Variants in MAF observed in about 807,000 individuals in gnomAD.
MAF encodes the protein transcription factor Maf.
A neutral mutation model predicts 22.0 loss-of-function variants in MAF; 10 were observed. That is an observed-to-expected ratio of 0.45 (90% CI 0.28 to 0.77). MAF has a LOEUF of 0.77. Among genes scored for constraint, MAF ranks in the 30% least tolerant of loss-of-function variants. MAF has a pLI of 0.12. For synonymous variants in MAF, 337 were observed against 255.8 expected, an observed-to-expected ratio of 1.32 and a Z score of -3.03; for missense variants, 544 against 548.4, an observed-to-expected ratio of 0.99 and a Z score of 0.08.
chr16:79,354,753 G>C, the MAF span, among the ~76,000 whole-genome samples: 3 of 152,184 alleles, frequency 2.0e-5, no homozygotes, highest in African/African-American at 4.8e-5. Flanking sequence ...TCCACTTTGA[G>C]CGGGATTTCC....
the MAF span, among the ~76,000 whole-genome samples, chr16:79,210,808 A>G: frequency 6.6e-6 from 1 of 152,128 alleles, no homozygotes; most frequent in Non-Finnish European, 1.5e-5. Context: ...TCATCACTGC[A>G]CACGTCCCTA....
chr16:79,426,396 T>C, the MAF span, among the ~76,000 whole-genome samples: 1 of 152,196 alleles, frequency 6.6e-6, no homozygotes, highest in Admixed American at 6.5e-5. Flanking sequence ...TTTTACTTTC[T>C]TTTTTTATTC....
At chr16:79,502,653 T>C in the MAF span, among the ~76,000 whole-genome samples, 102 of 144,828 alleles carry the variant, frequency 7.0e-4, 1 homozygote, top group South Asian at 0.022. Flanking sequence ...GTAACAGAGT[T>C]AGACCTTGTC....
At chr16:79,378,648 A>G in the MAF span, among the ~76,000 whole-genome samples, 1 of 152,250 alleles carries the variant, frequency 6.6e-6, no homozygotes, top group African/African-American at 2.4e-5. Context: ...AGAGATGACC[A>G]TTATAAACAT....
At chr16:79,510,655 C>T in the MAF span, among the ~76,000 whole-genome samples, 2 of 152,210 alleles carry the variant, frequency 1.3e-5, no homozygotes, top group Non-Finnish European at 2.9e-5. Context: ...AACAAGCACA[C>T]AATAGGGACA....
At chr16:79,439,831 C>G in the MAF span, among the ~76,000 whole-genome samples, 1 of 152,236 alleles carries the variant, frequency 6.6e-6, no homozygotes, top group African/African-American at 2.4e-5. Context: ...ACGACCGAAA[C>G]AGATCACAGG....
the MAF span, among the ~76,000 whole-genome samples, chr16:79,442,600 G>T: frequency 6.6e-6 from 1 of 152,134 alleles, no homozygotes; most frequent in Non-Finnish European, 1.5e-5. Context: ...GACATACAGT[G>T]GTGCAGCACG....
the MAF span, among the ~76,000 whole-genome samples, chr16:79,285,795 C>T: frequency 6.6e-6 from 1 of 152,154 alleles, no homozygotes; most frequent in Non-Finnish European, 1.5e-5. Flanking sequence ...CCCAACGTGA[C>T]CAGCGCACAC....
chr16:79,233,008 T>C, the MAF span, among the ~76,000 whole-genome samples: 2 of 151,576 alleles, frequency 1.3e-5, no homozygotes, highest in Non-Finnish European at 2.9e-5. Flanking sequence ...GCACGGCTAA[T>C]GTTTTGTATT....
At chr16:79,234,378 T>C in the MAF span, among the ~76,000 whole-genome samples, 1 of 152,128 alleles carries the variant, frequency 6.6e-6, no homozygotes, top group Non-Finnish European at 1.5e-5. Context: ...AAGAAATATG[T>C]TCAATATCTT....
chr16:79,447,315 G>A, the MAF span, among the ~76,000 whole-genome samples: 1 of 138,666 alleles, frequency 7.2e-6, no homozygotes, highest in Admixed American at 7.6e-5. Flanking sequence ...TAATCCCACT[G>A]TTAAGACCTA....
chr16:79,260,463 C>CTATATCTATATCTATATCTA, the MAF span, among the ~76,000 whole-genome samples: 2 of 145,332 alleles, frequency 1.4e-5, no homozygotes, highest in African/African-American at 5.2e-5. Context: ...ATGTATCTAT[C>CTATATCTATATCTATATCTA]TATCTATATC....
the MAF span, among the ~76,000 whole-genome samples, chr16:79,416,960 A>C: frequency 1.3e-5 from 2 of 152,214 alleles, no homozygotes; most frequent in African/African-American, 2.4e-5. Flanking sequence ...TTATTTGCAC[A>C]CCAGCACACC....
the MAF span, among the ~76,000 whole-genome samples, chr16:79,268,085 T>C: frequency 3.3e-5 from 5 of 152,134 alleles, no homozygotes; most frequent in Non-Finnish European, 7.4e-5. Context: ...CTTTACTGTT[T>C]TGACCCACAC....
At chr16:79,574,894 A>C in the MAF span, among the ~76,000 whole-genome samples, 1 of 152,092 alleles carries the variant, frequency 6.6e-6, no homozygotes, top group African/African-American at 2.4e-5. Flanking sequence ...TGAGTTGTAA[A>C]ACTCAGAGTA....
chr16:79,421,148 A>T, the MAF span, among the ~76,000 whole-genome samples: 59 of 152,316 alleles, frequency 3.9e-4, no homozygotes, highest in African/African-American at 1.3e-3. Context: ...TGCAAATTAA[A>T]CTTTATCATA....
chr16:79,354,856 T>C, the MAF span, among the ~76,000 whole-genome samples: 3 of 151,598 alleles, frequency 2.0e-5, no homozygotes, highest in Non-Finnish European at 4.4e-5. Context: ...CAGAAAAAAA[T>C]AACAATCCCA....
At chr16:79,231,567 A>G in the MAF span, among the ~76,000 whole-genome samples, 1 of 152,046 alleles carries the variant, frequency 6.6e-6, no homozygotes, top group South Asian at 2.1e-4. Flanking sequence ...TCAGGTATCT[A>G]CCTGCCTATC....
chr16:79,471,113 C>T, the MAF span, among the ~76,000 whole-genome samples: 1 of 152,290 alleles, frequency 6.6e-6, no homozygotes, highest in South Asian at 2.1e-4. Context: ...GACTTTCCTA[C>T]CTGGCCTGCC....
Sources: allele counts gnomAD v4.1 joint callset (sites outside exome capture counted in the v4.1 genomes callset), GRCh38; gene constraint gnomAD v4.1.1; transcripts MANE v1.5; gene names NCBI Gene and HGNC (gene_info 2026-07-23, HGNC 2026-07-21).